UBA2: variants seen among roughly 807,000 people sequenced by gnomAD.
The protein encoded by UBA2 is ubiquitin like modifier activating enzyme 2, also known as SUMO-activating enzyme subunit 2.
A neutral mutation model predicts 77.2 loss-of-function variants in UBA2; 11 were observed. The ratio of observed to expected loss-of-function variants is 0.14; its 90% CI spans 0.09 to 0.24. The LOEUF (loss-of-function observed/expected upper bound fraction) is 0.24. UBA2 is among the 10% of genes least tolerant of loss of function. UBA2 has a pLI of 1.00. For synonymous variants in UBA2, 278 were observed against 276.7 expected (o/e 1.00, Z -0.05); for missense variants, 487 against 781.7 (o/e 0.62, Z 4.50).
At chr19:34,433,811 T>C (rs1474524315) in intron 4 of UBA2, among the ~76,000 whole-genome samples, 2 of 152,006 alleles carry the variant, frequency 1.3e-5, no homozygotes, top group Non-Finnish European at 2.9e-5. Flanking sequence ...ACACAAAAAT[T>C]AGCCGGTGTG....
Position 34,444,915 on chromosome 19 carries a change from CTTTCTT to C in UBA2, c.650-81_650-76del, listed in dbSNP as rs534480249. On this transcript the variant is annotated intron_variant, in intron 7 of 16. Coordinates refer to ENST00000246548, the MANE Select transcript of UBA2 (RefSeq NM_005499.3). ...TGCATTTGGGGATTTCCATGAGTGA[CTTTCTT>C]TTTATTCCCAAAGGTGAGTGAAAAG... 1.0e-4 allele frequency: 148 copies of C among 1,419,610 alleles called. No individual in the cohort carries two copies. The African/African-American group carries it at 2.0e-3, about 20-fold the overall frequency. The allele number at this position is 1,419,610 out of a possible 1,614,324, so 87.9% of individuals were successfully genotyped here. A position where few individuals can be genotyped will look rare whatever the true frequency, so the allele number is the denominator to read the frequency against.
chr19:34,460,815 T>C (rs937269035), intron 14 of UBA2, among the ~76,000 whole-genome samples: 1 of 152,218 alleles, frequency 6.6e-6, no homozygotes, highest in Non-Finnish European at 1.5e-5. Flanking sequence ...GCCGATATCA[T>C]GGATCCTGGG....
At chr19:34,430,501 C>G (rs2075241404) in intron 1 of UBA2, 75 bp from the exon 2 acceptor site, 1 of 1,079,454 alleles carries the variant, frequency 9.3e-7, no homozygotes, top group Non-Finnish European at 1.4e-6. Context: ...TTCTGGATTA[C>G]AGGTGCTGAG....
chr19:34,453,506 TAATG>T lies in UBA2; in HGVS notation c.1039-751_1039-748del, dbSNP rs368630600. On this transcript the variant is annotated intron_variant, in intron 10 of 16. Coordinates refer to ENST00000246548, the MANE Select transcript of UBA2 (RefSeq NM_005499.3). ...AGTCATCCAGGTTTTTCTGAAGTGTTAATGAAACAGCTTTTTTTTTTTTTTTTTT... is the reference window on the plus strand; with the variant it reads ...AGTCATCCAGGTTTTTCTGAAGTGTTAAACAGCTTTTTTTTTTTTTTTTTT... 1.1e-4 allele frequency among the ~76,000 whole-genome samples: 17 copies of T among 151,296 alleles called. No individual in the cohort carries two copies. The East Asian group carries it at 3.3e-3, about 29-fold the overall frequency.
intron 1 of UBA2, 140 bp downstream of exon 1, chr19:34,428,710 C>A: frequency 1.7e-6 from 2 of 1,178,204 alleles, no homozygotes; most frequent in Non-Finnish European, 2.1e-6. Context: ...GGCTGAGAGG[C>A]TCGGGTTGTG....
At chr19:34,461,033 A>C (rs2075625269) in intron 14 of UBA2, among the ~76,000 whole-genome samples, 1 of 152,202 alleles carries the variant, frequency 6.6e-6, no homozygotes, top group Admixed American at 6.5e-5. Flanking sequence ...TTTTGCTAAC[A>C]CATTTGCTAT....
intron 12 of UBA2, among the ~76,000 whole-genome samples, chr19:34,458,453 G>T (rs113123773): frequency 6.7e-6 from 1 of 150,368 alleles, no homozygotes; most frequent in South Asian, 2.1e-4. Context: ...CCAGCTACTC[G>T]GGAGGCTGAG....
chr19:34,450,232 T>C (rs1278485488), intron 8 of UBA2, 33 bp from the exon 9 acceptor site: 1 of 1,457,556 alleles, frequency 6.9e-7, no homozygotes. Flanking sequence ...TTAGGGATTA[T>C]GGGGTTCATG....
At chr19:34,447,200 T>G (rs1339172410) in intron 8 of UBA2, among the ~76,000 whole-genome samples, 4 of 152,192 alleles carry the variant, frequency 2.6e-5, no homozygotes, top group Admixed American at 2.6e-4. Flanking sequence ...GCTAGGCCAG[T>G]CTAGTCTTTT....
At chr19:34,444,573 G>T (rs949301412) in intron 7 of UBA2, among the ~76,000 whole-genome samples, 25 of 152,308 alleles carry the variant, frequency 1.6e-4, no homozygotes, top group African/African-American at 6.0e-4. Context: ...TTGGGAGGCT[G>T]AAGCAGCTGG....
At chr19:34,454,817 A>G (rs1178969535) in intron 12 of UBA2, among the ~76,000 whole-genome samples, 3 of 152,218 alleles carry the variant, frequency 2.0e-5, no homozygotes, top group East Asian at 1.9e-4. Flanking sequence ...CGGTCCTTAT[A>G]CTAAGAAGAT....
intron 7 of UBA2, 45 bp downstream of exon 7, chr19:34,443,956 T>C: frequency 1.5e-6 from 2 of 1,376,252 alleles, no homozygotes. Flanking sequence ...ACTATTATCT[T>C]TATTTTGTTG....
intron 3 of UBA2, 28 bp downstream of exon 3, chr19:34,431,959 T>C (rs747071507): frequency 3.7e-6 from 3 of 806,654 alleles, no homozygotes; most frequent in East Asian, 3.1e-5. Flanking sequence ...CATTGCAAAG[T>C]TGTATAAGGG....
intron 7 of UBA2, 133 bp downstream of exon 7, chr19:34,444,044 GTTTTTTTTTTTTTT>G (rs35028159): frequency 4.0e-5 from 7 of 175,820 alleles, no homozygotes; most frequent in African/African-American, 1.3e-4. Context: ...TTTTTTTTTT[GTTTTTTTTTTTTTT>G]TTTTTTTTTT....
intron 15 of UBA2, 67 bp from the exon 16 acceptor site, chr19:34,466,811 A>T: frequency 3.4e-6 from 5 of 1,467,648 alleles, no homozygotes; most frequent in Non-Finnish European, 4.8e-6. Context: ...GAGGAACAAC[A>T]GGATTTCTCT....
rs749355238 is a variant in UBA2, at chr19:34,466,860, T to C, written c.1605-18T>C. On this transcript the variant is annotated intron_variant, in intron 15 of 16. Coordinates refer to ENST00000246548, the MANE Select transcript of UBA2 (RefSeq NM_005499.3). ...TTTCTAAATAGTCATAGCAGTGACC[T>C]GTGTGATTCTCCTACAGTGAAGACC... is the stretch of plus-strand genomic sequence containing the variant. 9.9e-6 allele frequency: 16 copies of C among 1,611,482 alleles called. No homozygotes were observed. Among genetic ancestry groups the C allele is most frequent in the Non-Finnish European group, 1.2e-5 (14 of 1,179,208 alleles).
At chr19:34,457,632 G>T (rs1220432365) in intron 12 of UBA2, among the ~76,000 whole-genome samples, 1 of 152,122 alleles carries the variant, frequency 6.6e-6, no homozygotes, top group East Asian at 1.9e-4. Flanking sequence ...ACAGAGGACG[G>T]CTTTAGTGTC....
chr19:34,433,938 A>G (rs527681646), intron 4 of UBA2, among the ~76,000 whole-genome samples: 3 of 152,270 alleles, frequency 2.0e-5, no homozygotes, highest in African/African-American at 7.2e-5. Flanking sequence ...AGCCTTGGTG[A>G]CAGAGTGCGA....
intron 12 of UBA2, among the ~76,000 whole-genome samples, chr19:34,457,179 A>AAAT (rs1262007864): frequency 0.019 from 992 of 53,162 alleles, 13 homozygotes; most frequent in East Asian, 0.067. Context: ...AAAAAAAAAA[A>AAAT]ATATATATAT....
Sources: gnomAD v4.1 joint callset for allele counts (sites outside exome capture counted in the v4.1 genomes callset) on GRCh38, gnomAD v4.1.1 for gene constraint, MANE v1.5 for transcripts, NCBI Gene and HGNC (gene_info 2026-07-23, HGNC 2026-07-21) for gene names.